HCN1: variants seen among roughly 807,000 people sequenced by gnomAD.
HCN1 encodes potassium/sodium hyperpolarization-activated cyclic nucleotide-gated channel 1.
In HCN1, 13 loss-of-function variants were observed where a neutral mutation model predicts 78.9. That is an observed-to-expected ratio of 0.16 (90% confidence interval 0.11 to 0.26). HCN1 has a LOEUF of 0.26. Among genes scored for constraint, HCN1 ranks in the 10% least tolerant of loss-of-function variants. The probability of loss-of-function intolerance (pLI) is 1.00; values close to 1 mark genes in which losing one functional copy is unlikely to be tolerated. For missense variants in HCN1, 810 were observed against 1,154.3 expected (o/e 0.70, Z 4.32); for synonymous variants, 552 against 455.5 (o/e 1.21, Z -2.70).
At chr5:45,386,837 G>C (rs1051321831) in intron 4 of HCN1, among the ~76,000 whole-genome samples, 1 of 151,820 alleles carries the variant, frequency 6.6e-6, no homozygotes, top group South Asian at 2.1e-4. Flanking sequence ...TAAAATTTAC[G>C]ATCATTTTTA....
At chr5:45,304,250 G>C (rs1432597926) in intron 5 of HCN1, among the ~76,000 whole-genome samples, 1 of 149,424 alleles carries the variant, frequency 6.7e-6, no homozygotes, top group East Asian at 2.0e-4. Flanking sequence ...TCCTGCTTCT[G>C]TGCTCCTTTT....
At chr5:45,386,625 G>A (rs1307632951) in intron 4 of HCN1, among the ~76,000 whole-genome samples, 1 of 152,056 alleles carries the variant, frequency 6.6e-6, no homozygotes, top group African/African-American at 2.4e-5. Context: ...CTCCAAATAT[G>A]CAAGTTATTT....
At chr5:45,616,017 A>G (rs913504694) in intron 2 of HCN1, among the ~76,000 whole-genome samples, 1 of 151,900 alleles carries the variant, frequency 6.6e-6, no homozygotes, top group African/African-American at 2.4e-5. Context: ...ATACCCAGGA[A>G]GTATGCAAAT....
intron 3 of HCN1, among the ~76,000 whole-genome samples, chr5:45,408,060 G>C (rs937846267): frequency 6.6e-6 from 1 of 151,992 alleles, no homozygotes; most frequent in Admixed American, 6.6e-5. Flanking sequence ...TTATACAGTT[G>C]TACAATGTGC....
chr5:45,416,934 C>T (rs1740131253), intron 3 of HCN1, among the ~76,000 whole-genome samples: 1 of 151,890 alleles, frequency 6.6e-6, no homozygotes, highest in Non-Finnish European at 1.5e-5. Context: ...AAGTCTTAGT[C>T]TTTTTGCCTA....
chr5:45,453,738 A>G (rs1456400460), intron 3 of HCN1, among the ~76,000 whole-genome samples: 1 of 152,084 alleles, frequency 6.6e-6, no homozygotes. Context: ...AAAATGGTAA[A>G]TGTATTTTTA....
chr5:45,491,584 T>C (rs2111700198), intron 2 of HCN1, among the ~76,000 whole-genome samples: 1 of 152,326 alleles, frequency 6.6e-6, no homozygotes, highest in East Asian at 1.9e-4. Flanking sequence ...ATTTCCTGTA[T>C]GCCTCATTCA....
At chr5:45,653,938 T>G (rs543138145) in intron 1 of HCN1, among the ~76,000 whole-genome samples, 70 of 151,962 alleles carry the variant, frequency 4.6e-4, no homozygotes, top group Admixed American at 9.9e-4. Flanking sequence ...AATAAATAAA[T>G]AAATATAATC....
intron 2 of HCN1, among the ~76,000 whole-genome samples, chr5:45,519,118 G>T (rs914097339): frequency 1.3e-5 from 2 of 151,818 alleles, no homozygotes; most frequent in African/African-American, 2.4e-5. Context: ...TTAATTATAG[G>T]AATCACAACC....
At chr5:45,681,024 C>G (rs1415579110) in intron 1 of HCN1, among the ~76,000 whole-genome samples, 2 of 152,086 alleles carry the variant, frequency 1.3e-5, no homozygotes, top group African/African-American at 4.8e-5. Context: ...CCAGGCTCTT[C>G]AGATACATTG....
intron 4 of HCN1, among the ~76,000 whole-genome samples, chr5:45,374,170 A>ATT (rs1491135108): frequency 8.7e-6 from 1 of 115,140 alleles, no homozygotes; most frequent in Non-Finnish European, 1.7e-5. Context: ...TTATATACAT[A>ATT]ATATATATTA....
rs116174689 is a variant in HCN1 at position 45,686,862 on chromosome 5, A to G, written c.425+8807T>C. Among the ~76,000 whole-genome samples, 741 of 151,490 alleles carry G rather than the reference A, an allele frequency of 4.9e-3. 3 individuals are homozygous for G. Among genetic ancestry groups the G allele is most frequent in the African/African-American group, 0.017 (707 of 41,268 alleles). The stretch of plus-strand genomic sequence containing the variant: ...CTTTCAAGGCTAGCTATTTTGGAGT[A>G]CTCCTGGGACTTCAGGTTTCTCTGT... On this transcript the variant is annotated intron_variant, in intron 1 of 7. Transcript: ENST00000303230.
chr5:45,450,491 ATAAAG>A (rs1740895559), intron 3 of HCN1, among the ~76,000 whole-genome samples: 1 of 152,218 alleles, frequency 6.6e-6, no homozygotes, highest in Non-Finnish European at 1.5e-5. Context: ...GTGATTATAT[ATAAAG>A]TACTTTTAAA....
At chr5:45,287,146 G>A (rs1745285420) in intron 6 of HCN1, among the ~76,000 whole-genome samples, 1 of 151,334 alleles carries the variant, frequency 6.6e-6, no homozygotes, top group Admixed American at 6.6e-5. Flanking sequence ...AATAGAAGTG[G>A]GAAGAATTCT....
intron 2 of HCN1, among the ~76,000 whole-genome samples, chr5:45,556,999 G>A (rs1743483887): frequency 1.3e-5 from 2 of 151,828 alleles, no homozygotes; most frequent in Admixed American, 6.6e-5. Flanking sequence ...ATAAAATTTC[G>A]ATTTCCGTTC....
intron 2 of HCN1, among the ~76,000 whole-genome samples, chr5:45,462,511 T>C (rs1741183274): frequency 6.6e-6 from 1 of 152,118 alleles, no homozygotes; most frequent in East Asian, 1.9e-4. Flanking sequence ...TTTATAGCTA[T>C]GTGAGTGGAG....
At chr5:45,539,553 CA>C (rs1743047639) in intron 2 of HCN1, among the ~76,000 whole-genome samples, 1 of 150,478 alleles carries the variant, frequency 6.6e-6, no homozygotes, top group African/African-American at 2.4e-5. Context: ...TAATCCCAGC[CA>C]CTCGGGAGGC....
chr5:45,438,545 G>A (rs541871672), intron 3 of HCN1, among the ~76,000 whole-genome samples: 43 of 150,168 alleles, frequency 2.9e-4, no homozygotes, highest in Non-Finnish European at 4.9e-4. Flanking sequence ...GAGCCGAATC[G>A]CGCTACTGCA....
chr5:45,266,089 C>G lies in HCN1; in HGVS notation c.1783+1000G>C, dbSNP rs151226856. Among the ~76,000 whole-genome samples the G allele has an allele frequency of 4.8e-3, 729 of 152,260 alleles. 2 individuals carry two copies. Among genetic ancestry groups the G allele is most frequent in the Non-Finnish European group, 7.4e-3 (506 of 68,026 alleles). On this transcript the variant is annotated intron_variant, in intron 7 of 7. Coordinates refer to ENST00000303230, the MANE Select transcript of HCN1 (RefSeq NM_021072.4). The stretch of plus-strand genomic sequence containing the variant: ...AAAATGAATGCATACTACCTTACAA[C>G]ATAATGTTCCAGGATATCTAGGAAT...
Sources: gnomAD v4.1 joint callset for allele counts (sites outside exome capture counted in the v4.1 genomes callset) on GRCh38, gnomAD v4.1.1 for gene constraint, MANE v1.5 for transcripts, NCBI Gene and HGNC (gene_info 2026-07-23, HGNC 2026-07-21) for gene names.